Variants in RUNX1 observed in about 807,000 individuals in gnomAD.
RUNX1 encodes runt-related transcription factor 1.
In RUNX1, 19 loss-of-function variants were observed where a neutral mutation model predicts 42.8. The ratio of observed to expected loss-of-function variants is 0.44; its 90% CI spans 0.31 to 0.65. RUNX1 has a LOEUF of 0.65. Among genes scored for constraint, RUNX1 ranks in the 30% least tolerant of loss-of-function variants. The probability of loss-of-function intolerance (pLI) is 0.07; values close to 1 mark genes in which losing one functional copy is unlikely to be tolerated. For synonymous variants in RUNX1, 271 were observed against 289.4 expected (o/e 0.94, Z 0.64); for missense variants, 528 against 672.0 (o/e 0.79, Z 2.37).
chr21:34,876,085 T>G (rs1258829296), intron 5 of RUNX1, among the ~76,000 whole-genome samples: 1 of 152,182 alleles, frequency 6.6e-6, no homozygotes, highest in Non-Finnish European at 1.5e-5. Context: ...TAAACACAAA[T>G]TCCGCCAAGA....
At chr21:34,887,132 T>C in intron 3 of RUNX1, 36 bp from the exon 4 acceptor site, 4 of 1,597,882 alleles carry the variant, frequency 2.5e-6, no homozygotes, top group Non-Finnish European at 3.4e-6. Flanking sequence ...CCGATTGAGT[T>C]AGGACCCTGC....
chr21:34,792,732 G>A lies in RUNX1; in HGVS notation c.968-122C>T. Reference sequence around the variant, plus strand: ...GCCTAGGAGGATGGGAAGCCACCCAGGATGCTACTGCTGGGGAGGACGGGG... The same window carrying A: ...GCCTAGGAGGATGGGAAGCCACCCAAGATGCTACTGCTGGGGAGGACGGGG... On this transcript the variant is annotated intron_variant, in intron 8 of 8. Transcript: ENST00000675419. The surrounding 1 kb of genome is among the most constrained non-coding windows in gnomAD (Gnocchi z 6.9). 1 of 972,724 alleles carries A rather than the reference G, an allele frequency of 1.0e-6. No homozygotes were observed. The highest frequency in any genetic ancestry group is 1.5e-6 in the Non-Finnish European group (1 of 672,926). 60.3% of individuals were successfully genotyped at this position (972,724 alleles called of 1,614,324 possible). A position where few individuals can be genotyped will look rare whatever the true frequency, so the allele number is the denominator to read the frequency against.
intron 7 of RUNX1, among the ~76,000 whole-genome samples, chr21:34,824,268 T>G (rs1467263117): frequency 6.6e-6 from 1 of 152,182 alleles, no homozygotes; most frequent in Non-Finnish European, 1.5e-5. Context: ...TCACCTGAAT[T>G]AGAGGTGGTA....
chr21:34,909,025 C>A (rs1032914215), intron 2 of RUNX1, among the ~76,000 whole-genome samples: 9 of 152,104 alleles, frequency 5.9e-5, no homozygotes, highest in African/African-American at 2.2e-4. Flanking sequence ...ATAGATTATC[C>A]TATACCAATA....
At chr21:34,856,311 G>A in intron 6 of RUNX1, 1 of 516,830 alleles carries the variant, frequency 1.9e-6, no homozygotes, top group South Asian at 1.4e-5. Flanking sequence ...CAAGTCAAAG[G>A]CTCCACACCT....
At chr21:35,023,724 G>A (rs554544538) in intron 2 of RUNX1, among the ~76,000 whole-genome samples, 10 of 152,130 alleles carry the variant, frequency 6.6e-5, no homozygotes, top group African/African-American at 9.7e-5. Flanking sequence ...GAAATGAAAG[G>A]GGGGCACAGG....
In RUNX1 at chr21:34,886,858, C is replaced by A. The variant is rs977880516; in HGVS notation, c.336G>T (p.Leu112=). Residue 112 remains leucine (L), a synonymous_variant, in exon 4 of 9, where the codon CTG becomes CTT. Transcript: ENST00000675419. The part of the protein sequence containing the change: ...LPTHWRCNKT[L]PIAFKVVALG... Reference sequence around the variant, plus strand: ...GGGCCAGTACCTTGAAAGCGATGGGCAGGGTCTTGTTGCAGCGCCAGTGCG... The same window carrying A: ...GGGCCAGTACCTTGAAAGCGATGGGAAGGGTCTTGTTGCAGCGCCAGTGCG... The A allele has an allele frequency of 9.9e-6, 16 of 1,613,368 alleles. No individual in the cohort carries two copies. Among genetic ancestry groups the A allele is most frequent in the Non-Finnish European group, 1.4e-5 (16 of 1,179,788 alleles).
At chr21:34,956,101 T>C (rs576100672) in intron 2 of RUNX1, among the ~76,000 whole-genome samples, 1 of 152,308 alleles carries the variant, frequency 6.6e-6, no homozygotes, top group Admixed American at 6.5e-5. Context: ...GTTTTTGTTT[T>C]TTCTGTTTAA....
intron 7 of RUNX1, among the ~76,000 whole-genome samples, chr21:34,822,438 T>C (rs1354446837): frequency 1.3e-5 from 2 of 152,236 alleles, no homozygotes; most frequent in African/African-American, 4.8e-5. Context: ...CTGTCATAAC[T>C]GCTCTGTGAT....
At chr21:34,926,341 C>G (rs980217616) in intron 2 of RUNX1, among the ~76,000 whole-genome samples, 1 of 149,862 alleles carries the variant, frequency 6.7e-6, no homozygotes, top group Admixed American at 6.7e-5. Context: ...CCCAAGTGGT[C>G]GCACATGCCT....
At chr21:35,015,468 A>C (rs1300773324) in intron 2 of RUNX1, among the ~76,000 whole-genome samples, 3 of 152,196 alleles carry the variant, frequency 2.0e-5, no homozygotes, top group Non-Finnish European at 4.4e-5. Context: ...AGGCTGCTTT[A>C]TCACAGAAGG....
chr21:34,999,725 T>C (rs559522333), intron 2 of RUNX1, among the ~76,000 whole-genome samples: 39 of 152,324 alleles, frequency 2.6e-4, no homozygotes, highest in Non-Finnish European at 3.8e-4. Context: ...GGAAAGCACA[T>C]GGAAAATGAG....
rs540907555 is a variant in RUNX1, at chr21:34,923,999, G to T, written c.59-31036C>A. ...CCACATCTCCTGTCTTCCCCCTCTT[G>T]AATCTAATGCTGTTGTTGTATTGAC... On this transcript the variant is annotated intron_variant, in intron 2 of 8. Coordinates refer to ENST00000675419, the MANE Select transcript of RUNX1 (RefSeq NM_001754.5). 3.9e-5 allele frequency among the ~76,000 whole-genome samples: 6 copies of T among 152,282 alleles called. No individual in the cohort carries two copies. In the South Asian group the frequency reaches 1.0e-3, roughly 26 times the overall value.
chr21:35,044,331 G>C (rs923355515), intron 2 of RUNX1, among the ~76,000 whole-genome samples: 40 of 152,168 alleles, frequency 2.6e-4, no homozygotes, highest in African/African-American at 9.2e-4. Flanking sequence ...CCAGGGCATT[G>C]TGACCTCTCC....
Position 34,789,428 on chromosome 21 carries a change from G to A in RUNX1, c.*2707C>T, listed in dbSNP as rs967403556. The A allele has an allele frequency of 2.6e-4, 60 of 233,600 alleles. 1 individual carries two copies. Among genetic ancestry groups the A allele is most frequent in the Non-Finnish European group, 4.2e-4 (50 of 118,074 alleles). 14.5% of individuals were successfully genotyped at this position (233,600 alleles called of 1,614,324 possible). On this transcript the variant is annotated 3_prime_UTR_variant, in exon 9 of 9. Transcript: ENST00000675419. ...GTTGAAATCATAAATAGGGACATGA[G>A]TAAGCAGTAGAAATGGCTTATTCAA...
chr21:35,035,869 G>A (rs2146986049), intron 2 of RUNX1, among the ~76,000 whole-genome samples: 1 of 152,322 alleles, frequency 6.6e-6, no homozygotes, highest in African/African-American at 2.4e-5. Context: ...ATTGAAAAGA[G>A]GAATAGAGAG....
At chr21:34,869,271 C>T (rs968392562) in intron 5 of RUNX1, among the ~76,000 whole-genome samples, 5 of 152,162 alleles carry the variant, frequency 3.3e-5, no homozygotes, top group African/African-American at 1.2e-4. Context: ...TACATACACA[C>T]CATCTCGCTT....
intron 8 of RUNX1, among the ~76,000 whole-genome samples, chr21:34,797,179 T>C (rs1037376167): frequency 2.2e-4 from 33 of 152,236 alleles, no homozygotes; most frequent in African/African-American, 7.7e-4. Context: ...TATGCCACTG[T>C]GAAAGCTCAT....
chr21:34,996,225 CTTGAG>C (rs1455847281), intron 2 of RUNX1, among the ~76,000 whole-genome samples: 1 of 152,076 alleles, frequency 6.6e-6, no homozygotes, highest in Non-Finnish European at 1.5e-5. Context: ...CTAAACCAGG[CTTGAG>C]TTTTGTATAT....
Sources: allele counts gnomAD v4.1 joint callset (sites outside exome capture counted in the v4.1 genomes callset), GRCh38; gene constraint gnomAD v4.1.1; non-coding constraint Gnocchi (gnomAD v3.1); transcripts MANE v1.5; gene names NCBI Gene and HGNC (gene_info 2026-07-23, HGNC 2026-07-21).